Variants in CDKN2B-AS1 observed in about 807,000 individuals in gnomAD.
The protein encoded by CDKN2B-AS1 is CDKN2B and CDKN2A antisense cis and trans regulatory RNA 1, also known as CDKN2B antisense RNA 1 (non-protein coding).
chr9:22,014,715 T>C (rs1821663702), intron 1 of CDKN2B-AS1, among the ~76,000 whole-genome samples: 1 of 151,218 alleles, frequency 6.6e-6, no homozygotes, highest in African/African-American at 2.4e-5. Context: ...CCCATTAACT[T>C]GTCATTTAGC....
intron 4 of CDKN2B-AS1, among the ~76,000 whole-genome samples, chr9:22,088,937 G>A (rs1416853089): frequency 6.6e-6 from 1 of 152,194 alleles, no homozygotes; most frequent in Non-Finnish European, 1.5e-5. Flanking sequence ...CTGAACTTGA[G>A]TGTCTGGATG....
chr9:22,116,113 C>G (rs1395309629), intron 4 of CDKN2B-AS1, among the ~76,000 whole-genome samples: 1 of 152,166 alleles, frequency 6.6e-6, no homozygotes, highest in Non-Finnish European at 1.5e-5. Context: ...TGGACATGAT[C>G]AACTTCTTAC....
chr9:22,028,183 A>G (rs1195344521), intron 1 of CDKN2B-AS1, among the ~76,000 whole-genome samples: 3 of 151,694 alleles, frequency 2.0e-5, no homozygotes, highest in Admixed American at 1.3e-4. Context: ...CTCCCATCTG[A>G]TAAAATATTG....
chr9:22,034,780 T>C (rs1024359970), intron 1 of CDKN2B-AS1, among the ~76,000 whole-genome samples: 24 of 152,130 alleles, frequency 1.6e-4, no homozygotes, highest in South Asian at 4.1e-4. Context: ...TAATAAAGAC[T>C]CACCCATAGA....
chr9:22,100,797 T>C (rs1263339484), intron 4 of CDKN2B-AS1, among the ~76,000 whole-genome samples: 1 of 152,192 alleles, frequency 6.6e-6, no homozygotes, highest in Non-Finnish European at 1.5e-5. Flanking sequence ...CTTCTCCACA[T>C]CTTTGCTTAC....
At chr9:22,033,691 A>G (rs973458001) in intron 1 of CDKN2B-AS1, among the ~76,000 whole-genome samples, 2 of 152,194 alleles carry the variant, frequency 1.3e-5, no homozygotes, top group Non-Finnish European at 2.9e-5. Context: ...CCATAGTTTG[A>G]GTAGTGAGAT....
chr9:22,032,414 A>G (rs1161169816), intron 1 of CDKN2B-AS1, among the ~76,000 whole-genome samples: 1 of 152,086 alleles, frequency 6.6e-6, no homozygotes, highest in Admixed American at 6.6e-5. Flanking sequence ...GGAAACACAA[A>G]AGCAATGTCT....
At chr9:22,016,870 A>C (rs180780713) in intron 1 of CDKN2B-AS1, among the ~76,000 whole-genome samples, 1 of 152,242 alleles carries the variant, frequency 6.6e-6, no homozygotes. Flanking sequence ...ATAAACCTAT[A>C]GATTTAAACA....
chr9:22,069,847 G>A (rs1220962470), intron 4 of CDKN2B-AS1, among the ~76,000 whole-genome samples: 1 of 152,012 alleles, frequency 6.6e-6, no homozygotes, highest in African/African-American at 2.4e-5. Context: ...CCAGTCTCTG[G>A]TAACCACTGT....
intron 4 of CDKN2B-AS1, among the ~76,000 whole-genome samples, chr9:22,104,980 C>T (rs889425138): frequency 6.6e-6 from 1 of 152,134 alleles, no homozygotes; most frequent in Non-Finnish European, 1.5e-5. Context: ...AAATAGGGGT[C>T]TATAGAGGTT....
In CDKN2B-AS1 at chr9:22,068,064, G is replaced by A. The variant is rs1366453881; in HGVS notation, n.438+11677G>A. Among the ~76,000 whole-genome samples the A allele has an allele frequency of 3.3e-5, 5 of 152,122 alleles. 1 individual carries two copies. The East Asian group carries it at 9.6e-4, about 29-fold the overall frequency. On this transcript the variant is annotated intron_variant and non_coding_transcript_variant, in intron 4 of 4. Coordinates refer to ENST00000650946, the Ensembl canonical transcript of CDKN2B-AS1. ...CCCGAAGCTTCATAGTTCAATATCT[G>A]ACACATAAGAGGGGCTTACTCTACA...
In CDKN2B-AS1 at chr9:22,094,951, C is replaced by A. The variant is rs955776562; in HGVS notation, n.439-32152C>A. On this transcript the variant is annotated intron_variant and non_coding_transcript_variant, in intron 4 of 4. Coordinates refer to ENST00000650946, the Ensembl canonical transcript of CDKN2B-AS1. ...TTCCCATCTTTGTGGTTTTATCTAC[C>A]TTTGGTGTTTGATGATGGTGACGTA... is the stretch of plus-strand genomic sequence containing the variant. Among the ~76,000 whole-genome samples the A allele has an allele frequency of 7.6e-5, 11 of 144,078 alleles. 1 individual carries two copies. The highest frequency in any genetic ancestry group is 1.6e-4 in the Non-Finnish European group (11 of 67,844). 94.5% of individuals were successfully genotyped at this position (144,078 alleles called of 152,430 possible). A position where few individuals can be genotyped will look rare whatever the true frequency, so the allele number is the denominator to read the frequency against.
At chr9:22,019,703 A>G (rs1220826479) in intron 1 of CDKN2B-AS1, among the ~76,000 whole-genome samples, 2 of 152,178 alleles carry the variant, frequency 1.3e-5, no homozygotes, top group Non-Finnish European at 2.9e-5. Context: ...ACTAATTTGC[A>G]TTAACAGCTG....
intron 1 of CDKN2B-AS1, chr9:22,008,714 G>C (rs1436238230): frequency 6.2e-7 from 1 of 1,611,550 alleles, no homozygotes; most frequent in South Asian, 1.1e-5. Flanking sequence ...CTACATCGGC[G>C]ATCTAGGTTC....
In CDKN2B-AS1 at chr9:22,006,181, C is replaced by G. The variant is rs1821176473; in HGVS notation, n.29+11020C>G. 1 of 1,609,492 alleles carries G rather than the reference C, an allele frequency of 6.2e-7. No homozygotes were observed. Among genetic ancestry groups the G allele is most frequent in the East Asian group, 2.2e-5 (1 of 44,864 alleles). ...GGTCGGGTGAGAGTGGCAGGGTCTG[C>G]GCAGTTGGGCTCCGCGCCGTGGAGC... is the stretch of plus-strand genomic sequence containing the variant. On this transcript the variant is annotated intron_variant and non_coding_transcript_variant, in intron 1 of 4. Transcript: ENST00000650946. The surrounding 1 kb of genome is among the most constrained non-coding windows in gnomAD (Gnocchi z 6.4).
intron 1 of CDKN2B-AS1, among the ~76,000 whole-genome samples, chr9:22,023,214 T>C (rs1158157157): frequency 6.6e-6 from 1 of 152,244 alleles, no homozygotes. Flanking sequence ...TTTTAAAATA[T>C]GCTTTCCAAG....
intron 1 of CDKN2B-AS1, chr9:22,030,833 A>G (rs1822437289): frequency 6.6e-6 from 1 of 152,192 alleles, no homozygotes; most frequent in South Asian, 2.1e-4. Context: ...TTGCTAGGAA[A>G]AGAAAAACAC....
chr9:22,094,301 G>T (rs1563977744), intron 4 of CDKN2B-AS1, among the ~76,000 whole-genome samples: 2 of 143,568 alleles, frequency 1.4e-5, no homozygotes, highest in Non-Finnish European at 2.9e-5. Context: ...GTGTCTTGGA[G>T]TTGCTCTTCT....
At chr9:22,085,447 C>T (rs940695538) in intron 4 of CDKN2B-AS1, among the ~76,000 whole-genome samples, 6 of 152,124 alleles carry the variant, frequency 3.9e-5, no homozygotes, top group African/African-American at 1.4e-4. Flanking sequence ...TGGCCGGGCG[C>T]GGTGGCTCAC....
Sources: allele counts gnomAD v4.1 joint callset (sites outside exome capture counted in the v4.1 genomes callset), GRCh38; gene constraint gnomAD v4.1.1; non-coding constraint Gnocchi (gnomAD v3.1); transcripts MANE v1.5; gene names NCBI Gene and HGNC (gene_info 2026-07-23, HGNC 2026-07-21).